CMTM8: variants seen among roughly 807,000 people sequenced by gnomAD.
CMTM8 encodes the protein CKLF like MARVEL transmembrane domain containing 8, also known as CKLF-like MARVEL transmembrane domain-containing protein 8.
Under a neutral mutation model 18.6 loss-of-function variants are expected in CMTM8, and 12 were observed. The ratio of observed to expected loss-of-function variants is 0.65; its 90% CI spans 0.41 to 1.05. The LOEUF (loss-of-function observed/expected upper bound fraction) is 1.05, where lower values mean the gene tolerates loss of function less well. Ranked by LOEUF, CMTM8 falls within the 50% of genes least tolerant of loss-of-function variation. The probability of loss-of-function intolerance (pLI) is 0.00; values close to 1 mark genes in which losing one functional copy is unlikely to be tolerated. For synonymous variants in CMTM8, 87 were observed against 90.6 expected, an observed-to-expected ratio of 0.96 and a Z score of 0.23; for missense variants, 217 against 227.2, an observed-to-expected ratio of 0.95 and a Z score of 0.29.
intron 1 of CMTM8, among the ~76,000 whole-genome samples, chr3:32,286,361 C>G (rs1702686681): frequency 6.6e-6 from 1 of 152,178 alleles, no homozygotes; most frequent in African/African-American, 2.4e-5. Flanking sequence ...GATGTGGCCT[C>G]AGGTCCACAG....
intron 1 of CMTM8, among the ~76,000 whole-genome samples, chr3:32,353,847 C>T (rs926676239): frequency 2.7e-5 from 4 of 148,284 alleles, no homozygotes; most frequent in African/African-American, 5.0e-5. Flanking sequence ...TGCAGTGGCA[C>T]GATCTCGGCT....
chr3:32,255,951 C>T (rs969821321), intron 1 of CMTM8, among the ~76,000 whole-genome samples: 1 of 152,150 alleles, frequency 6.6e-6, no homozygotes, highest in Non-Finnish European at 1.5e-5. Flanking sequence ...TGGTCTCAAA[C>T]TCCTCGGCTC....
chr3:32,325,807 G>C (rs958301702), intron 1 of CMTM8, among the ~76,000 whole-genome samples: 6 of 152,168 alleles, frequency 3.9e-5, no homozygotes, highest in Non-Finnish European at 7.4e-5. Context: ...TCCAAAATTA[G>C]TTGTGCACTG....
chr3:32,291,714 A>G (rs1463975875), intron 1 of CMTM8, among the ~76,000 whole-genome samples: 1 of 152,170 alleles, frequency 6.6e-6, no homozygotes, highest in African/African-American at 2.4e-5. Context: ...TGGAAACCTT[A>G]TTTTTGAATT....
At chr3:32,280,377 CT>C (rs971414861) in intron 1 of CMTM8, among the ~76,000 whole-genome samples, 1 of 152,164 alleles carries the variant, frequency 6.6e-6, no homozygotes, top group African/African-American at 2.4e-5. Flanking sequence ...GATTGGTCCC[CT>C]TCTGCAACCA....
intron 1 of CMTM8, among the ~76,000 whole-genome samples, chr3:32,318,506 T>C (rs920028435): frequency 6.6e-6 from 1 of 151,914 alleles, no homozygotes; most frequent in Non-Finnish European, 1.5e-5. Flanking sequence ...TTGTGAGAAA[T>C]GTGAAACTGC....
rs969495220 is a variant in CMTM8, at chr3:32,322,274, G to GT, written c.148-35090dup. ...TGTATTCATTAGATGGCTTGTTTTT[G>GT]TTTTTTTTTCCTCCCTGGAGTAGTC... On this transcript the variant is annotated intron_variant, in intron 1 of 3. Transcript: ENST00000307526. Among the ~76,000 whole-genome samples the GT allele has an allele frequency of 2.5e-4, 37 of 150,878 alleles. No homozygotes were observed. The Middle Eastern group carries it at 0.014, about 56-fold the overall frequency.
intron 1 of CMTM8, among the ~76,000 whole-genome samples, chr3:32,253,232 G>A (rs914644931): frequency 3.3e-5 from 5 of 151,970 alleles, no homozygotes; most frequent in Non-Finnish European, 7.4e-5. Flanking sequence ...TCGTGGCTAT[G>A]TGCATATGTA....
chr3:32,357,976 G>A (rs1696849812), intron 2 of CMTM8, among the ~76,000 whole-genome samples: 1 of 152,192 alleles, frequency 6.6e-6, no homozygotes, highest in Admixed American at 6.5e-5. Flanking sequence ...TGATGTTGGA[G>A]CACATTGTGT....
At chr3:32,278,645 C>T (rs1329727907) in intron 1 of CMTM8, among the ~76,000 whole-genome samples, 2 of 152,168 alleles carry the variant, frequency 1.3e-5, no homozygotes, top group African/African-American at 4.8e-5. Flanking sequence ...CTCAGGATAA[C>T]GCAGCCCCAT....
intron 1 of CMTM8, among the ~76,000 whole-genome samples, chr3:32,347,319 TCTC>T (rs1696618937): frequency 1.3e-5 from 2 of 149,100 alleles, no homozygotes; most frequent in Non-Finnish European, 3.0e-5. Context: ...TGGCGTTAGT[TCTC>T]TCTTTATAGA....
chr3:32,270,883 T>A (rs1702430320), intron 1 of CMTM8, among the ~76,000 whole-genome samples: 1 of 152,068 alleles, frequency 6.6e-6, no homozygotes, highest in Admixed American at 6.6e-5. Flanking sequence ...AAAAAAATAA[T>A]AATAACATTA....
At chr3:32,311,646 A>G (rs1045549168) in intron 1 of CMTM8, among the ~76,000 whole-genome samples, 3 of 152,156 alleles carry the variant, frequency 2.0e-5, no homozygotes, top group Non-Finnish European at 4.4e-5. Flanking sequence ...CCTCTCTAGT[A>G]TTCATAGTCA....
intron 2 of CMTM8, among the ~76,000 whole-genome samples, chr3:32,364,037 G>A (rs1439917699): frequency 1.3e-5 from 2 of 152,186 alleles, no homozygotes; most frequent in Non-Finnish European, 2.9e-5. Flanking sequence ...AGCCAGAAAG[G>A]CAAGCCGCAG....
At chr3:32,256,927 C>G (rs981010711) in intron 1 of CMTM8, among the ~76,000 whole-genome samples, 1 of 152,184 alleles carries the variant, frequency 6.6e-6, no homozygotes, top group East Asian at 1.9e-4. Flanking sequence ...ATCAGGTTCT[C>G]TTTTCCTTTT....
At chr3:32,292,479 G>A (rs1043180412) in intron 1 of CMTM8, among the ~76,000 whole-genome samples, 3 of 152,280 alleles carry the variant, frequency 2.0e-5, no homozygotes, top group Admixed American at 6.5e-5. Context: ...CATAGACTGC[G>A]TAATCCATCT....
chr3:32,317,713 T>G (rs2125574754), intron 1 of CMTM8, among the ~76,000 whole-genome samples: 1 of 152,242 alleles, frequency 6.6e-6, no homozygotes, highest in East Asian at 1.9e-4. Context: ...AATGGGAAAC[T>G]AGTAGACACA....
chr3:32,368,797 T>G (rs1697095616), intron 3 of CMTM8, among the ~76,000 whole-genome samples: 1 of 150,476 alleles, frequency 6.6e-6, no homozygotes, highest in Admixed American at 6.7e-5. Flanking sequence ...TTTGCATTTT[T>G]AAACCATAAG....
intron 1 of CMTM8, among the ~76,000 whole-genome samples, chr3:32,348,244 A>C (rs1012144215): frequency 3.9e-5 from 6 of 152,058 alleles, no homozygotes; most frequent in Non-Finnish European, 8.8e-5. Flanking sequence ...CATTCTATTT[A>C]CTTTTAGAAA....
Sources: gnomAD v4.1 joint callset for allele counts (sites outside exome capture counted in the v4.1 genomes callset) on GRCh38, gnomAD v4.1.1 for gene constraint, MANE v1.5 for transcripts, NCBI Gene and HGNC (gene_info 2026-07-23, HGNC 2026-07-21) for gene names.